CENPK: variants seen among roughly 807,000 people sequenced by gnomAD.
CENPK encodes centromere protein K, also known as SoxLZ/Sox6-binding protein Solt.
Under a neutral mutation model 40.9 loss-of-function variants are expected in CENPK, and 46 were observed. The ratio of observed to expected loss-of-function variants is 1.13; its 90% CI spans 0.89 to 1.44. The LOEUF is 1.44. Among genes scored for constraint, CENPK ranks in the 40% most tolerant of loss-of-function variants. The pLI is 0.00. For missense variants in CENPK, 288 were observed against 303.5 expected (o/e 0.95, Z 0.38); for synonymous variants, 107 against 104.4 (o/e 1.02, Z -0.15).
At chr5:65,549,656 T>A (rs1026925780) in intron 5 of CENPK, among the ~76,000 whole-genome samples, 2 of 152,240 alleles carry the variant, frequency 1.3e-5, no homozygotes, top group African/African-American at 4.8e-5. Context: ...TGGAGATGGC[T>A]TCTTTCCTTA....
chr5:65,504,739 T>G, the CENPK span, among the ~76,000 whole-genome samples: 1 of 152,176 alleles, frequency 6.6e-6, no homozygotes, highest in African/African-American at 2.4e-5. Flanking sequence ...CAAGAAACAC[T>G]TTTTCTTTCT....
In CENPK at chr5:65,539,961, G is replaced by A. The variant is rs1747662559; in HGVS notation, c.288+2841C>T. ...GCAGAGAATGAGTTCATGCTAGGCA[G>A]TATGGCCCAAGGTCCCACAGACTCC... On this transcript the variant is annotated intron_variant, in intron 6 of 10. Transcript: ENST00000396679. 2.0e-5 allele frequency among the ~76,000 whole-genome samples: 3 copies of A among 152,194 alleles called. No individual in the cohort carries two copies. In the South Asian group the frequency reaches 6.2e-4, roughly 31 times the overall value.
chr5:65,558,614 G>A (rs891557258), intron 2 of CENPK, among the ~76,000 whole-genome samples: 3 of 152,226 alleles, frequency 2.0e-5, no homozygotes, highest in Non-Finnish European at 1.5e-5. Context: ...AAAAATGGGA[G>A]AGGATAAAGT....
chr5:65,498,587 CTCTT>C, the CENPK span, among the ~76,000 whole-genome samples: 8 of 151,462 alleles, frequency 5.3e-5, no homozygotes, highest in Non-Finnish European at 7.4e-5. Flanking sequence ...TATCTTCCTT[CTCTT>C]TCTTTTTTCT....
At chr5:65,552,047 T>C (rs1750168938) in intron 4 of CENPK, among the ~76,000 whole-genome samples, 1 of 150,320 alleles carries the variant, frequency 6.7e-6, no homozygotes, top group Admixed American at 6.7e-5. Flanking sequence ...GCGGCCTCCA[T>C]CTACTGGGTT....
chr5:65,554,462 T>C (rs899813959), intron 3 of CENPK, among the ~76,000 whole-genome samples: 51 of 152,208 alleles, frequency 3.4e-4, no homozygotes, highest in African/African-American at 1.1e-3. Flanking sequence ...CAGAAAGCTA[T>C]CCTTGACCCC....
the CENPK span, among the ~76,000 whole-genome samples, chr5:65,508,151 T>A: frequency 6.6e-6 from 1 of 152,216 alleles, no homozygotes; most frequent in Non-Finnish European, 1.5e-5. Flanking sequence ...CCTGTGTAAG[T>A]AAGAAATACA....
chr5:65,549,195 T>C (rs1315727328), intron 5 of CENPK, among the ~76,000 whole-genome samples: 1 of 152,160 alleles, frequency 6.6e-6, no homozygotes, highest in Admixed American at 6.5e-5. Context: ...GCAGTAATAT[T>C]TTGAAAGGAA....
At chr5:65,538,862 T>A (rs1034916768) in intron 6 of CENPK, among the ~76,000 whole-genome samples, 1 of 152,186 alleles carries the variant, frequency 6.6e-6, no homozygotes, top group Non-Finnish European at 1.5e-5. Context: ...CTAAGAAGAT[T>A]TAACCATCTA....
At chr5:65,538,825 T>C (rs1020422708) in intron 6 of CENPK, among the ~76,000 whole-genome samples, 7 of 152,212 alleles carry the variant, frequency 4.6e-5, no homozygotes, top group Non-Finnish European at 1.0e-4. Context: ...TTCTCAGATA[T>C]ATAGGTAAGA....
At chr5:65,513,124 T>G (rs879758477), downstream of CENPK, among the ~76,000 whole-genome samples, 11 of 152,218 alleles carry the variant, frequency 7.2e-5, no homozygotes, top group Non-Finnish European at 1.6e-4. Flanking sequence ...TGTGGCATAT[T>G]TTTTCATTTT....
intron 2 of CENPK, among the ~76,000 whole-genome samples, chr5:65,559,630 G>GAA (rs1166225346): frequency 1.3e-4 from 5 of 37,678 alleles, no homozygotes; most frequent in African/African-American, 1.7e-4. Flanking sequence ...CTCCGTCTCA[G>GAA]AAAAAAAAAA....
chr5:65,558,238 T>C (rs1005312168), intron 2 of CENPK, among the ~76,000 whole-genome samples: 1 of 152,148 alleles, frequency 6.6e-6, no homozygotes, highest in Non-Finnish European at 1.5e-5. Context: ...TAAAAGAGAC[T>C]TTTTCTTTTT....
intron 1 of CENPK, among the ~76,000 whole-genome samples, chr5:65,561,799 A>C (rs1487137370): frequency 6.6e-6 from 1 of 152,230 alleles, no homozygotes; most frequent in Non-Finnish European, 1.5e-5. Context: ...TCGTACTATT[A>C]ATTGGGAAAA....
At chr5:65,546,847 A>G (rs1749075631) in intron 5 of CENPK, among the ~76,000 whole-genome samples, 1 of 152,182 alleles carries the variant, frequency 6.6e-6, no homozygotes, top group Admixed American at 6.5e-5. Context: ...ATTGTGAGAA[A>G]ATTAATTTCT....
chr5:65,523,548 T>C (rs1304707242), intron 9 of CENPK, among the ~76,000 whole-genome samples: 1 of 152,022 alleles, frequency 6.6e-6, no homozygotes, highest in Non-Finnish European at 1.5e-5. Context: ...AATACCTTAG[T>C]AAAGGAAAAA....
chr5:65,517,522 A>C (rs145301689), downstream of CENPK, among the ~76,000 whole-genome samples: 288 of 152,276 alleles, frequency 1.9e-3, 3 homozygotes, highest in African/African-American at 6.8e-3. Context: ...GTATACTTCA[A>C]ATATTTGTTT....
intron 6 of CENPK, among the ~76,000 whole-genome samples, chr5:65,542,514 G>A (rs1748150920): frequency 2.0e-5 from 3 of 152,012 alleles, no homozygotes; most frequent in Admixed American, 1.3e-4. Context: ...GTGCATGCCT[G>A]TAATCCTAGC....
intron 6 of CENPK, among the ~76,000 whole-genome samples, chr5:65,542,553 C>A (rs1267384137): frequency 6.6e-6 from 1 of 152,050 alleles, no homozygotes; most frequent in Non-Finnish European, 1.5e-5. Context: ...AGGAGACTCA[C>A]CTGACCCTGG....
Sources: gnomAD v4.1 joint callset for allele counts (sites outside exome capture counted in the v4.1 genomes callset) on GRCh38, gnomAD v4.1.1 for gene constraint, MANE v1.5 for transcripts, NCBI Gene and HGNC (gene_info 2026-07-23, HGNC 2026-07-21) for gene names.